PCYT1A: variants seen among roughly 807,000 people sequenced by gnomAD.
PCYT1A encodes the protein phosphate cytidylyltransferase 1A, choline.
PCYT1A carries 25 observed loss-of-function variants against 43.7 expected under a neutral mutation model. The ratio of observed to expected loss-of-function variants is 0.57; its 90% confidence interval spans 0.42 to 0.80. PCYT1A has a LOEUF of 0.80. Ranked by LOEUF, PCYT1A falls within the 30% of genes least tolerant of loss-of-function variation. The probability of loss-of-function intolerance (pLI) is 0.00; values close to 1 mark genes in which losing one functional copy is unlikely to be tolerated. For synonymous variants in PCYT1A, 172 were observed against 170.7 expected (o/e 1.01, Z -0.06); for missense variants, 421 against 474.2 (o/e 0.89, Z 1.04).
At chr3:196,265,708 A>C (rs966855881) in intron 2 of PCYT1A, among the ~76,000 whole-genome samples, 8 of 151,570 alleles carry the variant, frequency 5.3e-5, no homozygotes, top group Non-Finnish European at 8.8e-5. Flanking sequence ...GGATAGCTTG[A>C]GCCCAGGGCA....
intron 7 of PCYT1A, among the ~76,000 whole-genome samples, chr3:196,241,283 C>T (rs1251476412): frequency 6.6e-6 from 1 of 151,714 alleles, no homozygotes; most frequent in African/African-American, 2.4e-5. Context: ...GGTGACAGAG[C>T]GAGACCCTGT....
chr3:196,241,065 G>A (rs1724331700), intron 7 of PCYT1A, among the ~76,000 whole-genome samples: 1 of 149,910 alleles, frequency 6.7e-6, no homozygotes, highest in South Asian at 2.1e-4. Flanking sequence ...AGGCCAAGGG[G>A]GTCCGATCGC....
Position 196,247,488 on chromosome 3 carries a change from T to C in PCYT1A, c.365A>G (p.Lys122Arg), listed in dbSNP as rs1235010313. 1.2e-6 allele frequency: 2 copies of C among 1,614,202 alleles called. No individual in the cohort carries two copies. The highest frequency in any genetic ancestry group is 1.7e-6 in the Non-Finnish European group (2 of 1,180,016). Reference protein sequence around the residue: ...VCSDELTHNFKGFTVMNENER... With the variant: ...VCSDELTHNFRGFTVMNENER... ...ATTCTCGTTCATCACCGTGAAGCCT[T>C]TGAAGTTGTGTGTGAGCTCATCACT... The change falls in exon 5 of 9, where the codon AAA becomes AGA. Residue 122 changes from lysine to arginine, a missense_variant. Transcript: ENST00000431016. The surrounding 1 kb of genome is among the most constrained non-coding windows in gnomAD (Gnocchi z 4.8).
At chr3:196,245,393 G>T (rs1375915188) in intron 5 of PCYT1A, among the ~76,000 whole-genome samples, 1 of 152,122 alleles carries the variant, frequency 6.6e-6, no homozygotes, top group Non-Finnish European at 1.5e-5. Flanking sequence ...ACCTGACTTG[G>T]CCTCCCAAAG....
At chr3:196,241,495 T>C (rs779155347) in intron 7 of PCYT1A, 1 of 1,288,352 alleles carries the variant, frequency 7.8e-7, no homozygotes, top group South Asian at 1.2e-5. Context: ...ATAGAGTTTC[T>C]AAAAGGCAAT....
chr3:196,244,288 C>G (rs1455776480), intron 5 of PCYT1A, among the ~76,000 whole-genome samples: 244 of 124,780 alleles, frequency 2.0e-3, no homozygotes, highest in African/African-American at 5.8e-3. Context: ...TGTGAGGAGC[C>G]CCTCTGCCCG....
At position 196,277,294 on chromosome 3, in the gene PCYT1A, T is replaced by C. The variant is rs923483698; in HGVS notation, c.-10-6753A>G. 6.6e-6 allele frequency among the ~76,000 whole-genome samples: 1 copy of C among 152,204 alleles called. No individual in the cohort carries two copies. The highest frequency in any genetic ancestry group is 2.4e-5 in the African/African-American group (1 of 41,446). On this transcript the variant is annotated intron_variant, in intron 1 of 8. Coordinates refer to ENST00000431016, the MANE Select transcript of PCYT1A (RefSeq NM_001312673.2). This position sits in a 1 kb window ranked among gnomAD's most constrained non-coding sequence, Gnocchi z 4.1. ...TATTATGTGTTTATACTATTCCTTA[T>C]CTGCTTACATACAGTTCTTCTATTT...
intron 3 of PCYT1A, among the ~76,000 whole-genome samples, chr3:196,249,901 C>T (rs1434975315): frequency 6.6e-6 from 1 of 151,488 alleles, no homozygotes; most frequent in Non-Finnish European, 1.5e-5. Flanking sequence ...ACCAGATACA[C>T]TATGCTGAGG....
chr3:196,238,968 G>A, intron 8 of PCYT1A, 74 bp from the exon 9 acceptor site: 3 of 902,134 alleles, frequency 3.3e-6, no homozygotes, highest in Middle Eastern at 3.6e-4. Context: ...ATCTAGGACT[G>A]GGATAGTCTA....
chr3:196,276,945 AAAG>A (rs1351946754), intron 1 of PCYT1A, among the ~76,000 whole-genome samples: 3 of 152,110 alleles, frequency 2.0e-5, no homozygotes, highest in Non-Finnish European at 4.4e-5. Context: ...CAAAAAAAAA[AAAG>A]GCCACATGCA....
At chr3:196,279,822 CTT>C (rs1361574123) in intron 1 of PCYT1A, among the ~76,000 whole-genome samples, 7 of 136,932 alleles carry the variant, frequency 5.1e-5, no homozygotes, top group African/African-American at 1.6e-4. Context: ...CTATCCAGTC[CTT>C]TCTTTTTTTT....
At chr3:196,278,067 T>A (rs960000803) in intron 1 of PCYT1A, among the ~76,000 whole-genome samples, 1 of 152,172 alleles carries the variant, frequency 6.6e-6, no homozygotes, top group East Asian at 1.9e-4. Flanking sequence ...CATGTTCCAA[T>A]AGATGCTTGC....
chr3:196,284,004 G>A (rs1725838095), intron 1 of PCYT1A, among the ~76,000 whole-genome samples: 1 of 152,170 alleles, frequency 6.6e-6, no homozygotes, highest in Non-Finnish European at 1.5e-5. Context: ...AGAAAAAAAT[G>A]ACTTTTACAA....
Position 196,280,570 on chromosome 3 carries a change from G to GTTTTTTTTTTTTTTTTTTTTTTTTATTTT in PCYT1A, c.-11+7044_-11+7045insAAAATAAAAAAAAAAAAAAAAAAAAAAAA. On this transcript the variant is annotated intron_variant, in intron 1 of 8. Transcript: ENST00000431016. The stretch of plus-strand genomic sequence containing the variant: ...TTATTGTTGTATTGGTATTTTTATT[G>GTTTTTTTTTTTTTTTTTTTTTTTTATTTT]TTTTTTTTTTTTTTTTTTTCTGAAT... Among the ~76,000 whole-genome samples the GTTTTTTTTTTTTTTTTTTTTTTTTATTTT allele has an allele frequency of 8.8e-5, 8 of 91,336 alleles. No individual in the cohort carries two copies. The East Asian group carries it at 9.6e-4, about 11-fold the overall frequency. 59.9% of individuals were successfully genotyped at this position (91,336 alleles called of 152,430 possible).
chr3:196,265,090 G>A (rs748660191), intron 2 of PCYT1A, among the ~76,000 whole-genome samples: 94 of 151,602 alleles, frequency 6.2e-4, no homozygotes, highest in Non-Finnish European at 1.2e-3. Flanking sequence ...TTGAGACAGA[G>A]TCTCGCTTTG....
chr3:196,241,780 C>A, intron 7 of PCYT1A, 168 bp downstream of exon 7: 2 of 1,174,238 alleles, frequency 1.7e-6, no homozygotes, highest in South Asian at 2.6e-5. Context: ...ACGGCAGAAA[C>A]TGTCTGTTTC....
Position 196,269,363 on chromosome 3 carries a change from T to C in PCYT1A, c.117+1052A>G, listed in dbSNP as rs528349193. 6.5e-4 allele frequency among the ~76,000 whole-genome samples: 99 copies of C among 152,302 alleles called. No individual in the cohort carries two copies. In the East Asian group the frequency reaches 6.6e-3, roughly 10 times the overall value. The stretch of plus-strand genomic sequence containing the variant: ...CCTTTGGGCTGGGAAGCTCTAGAAC[T>C]AAGCAGTGGAAACTGAGTTTGATCA... On this transcript the variant is annotated intron_variant, in intron 2 of 8. Transcript: ENST00000431016.
intron 2 of PCYT1A, among the ~76,000 whole-genome samples, chr3:196,260,124 T>C (rs1424806930): frequency 2.0e-5 from 3 of 151,616 alleles, no homozygotes; most frequent in African/African-American, 7.3e-5. Context: ...GGTTTCACCA[T>C]GTCGGCCAGG....
chr3:196,239,638 T>C lies in PCYT1A; in HGVS notation c.806A>G (p.Glu269Gly), dbSNP rs1724291820. 2.5e-6 allele frequency: 4 copies of C among 1,610,264 alleles called. No homozygotes were observed. Among genetic ancestry groups the C allele is most frequent in the Non-Finnish European group, 3.4e-6 (4 of 1,176,584 alleles). ...CTTCTGAATGAGGTCAATGCTTTTT[T>C]CCTCCACCTTCTGAACAAATTCTTT... The part of the protein sequence containing the change: ...KSKEFVQKVE[E>G]KSIDLIQKWE... Residue 269 changes from glutamate (E) to glycine (G), a missense_variant, in exon 8 of 9, where the codon GAA (glutamate) becomes GGA (glycine). This residue lies in a region of PCYT1A where 174 missense variants were observed against 270.7 expected (regional missense o/e 0.64). Coordinates refer to ENST00000431016, the MANE Select transcript of PCYT1A (RefSeq NM_001312673.2).
Sources: allele counts gnomAD v4.1 joint callset (sites outside exome capture counted in the v4.1 genomes callset), GRCh38; gene constraint gnomAD v4.1.1; regional missense constraint gnomAD v4.1.1; non-coding constraint Gnocchi (gnomAD v3.1); transcripts MANE v1.5; gene names NCBI Gene and HGNC (gene_info 2026-07-23, HGNC 2026-07-21).